ADNP: variants seen among roughly 807,000 people sequenced by gnomAD.
The protein encoded by ADNP is activity-dependent neuroprotector homeobox protein.
In ADNP, 4 loss-of-function variants were observed where a neutral mutation model predicts 84.9. The observed-to-expected ratio is 0.05, with a 90% CI of 0.02 to 0.11. The LOEUF (loss-of-function observed/expected upper bound fraction) is 0.11. Ranked by LOEUF, ADNP falls within the 10% of genes least tolerant of loss-of-function variation. The probability of loss-of-function intolerance (pLI) is 1.00; values close to 1 mark genes in which losing one functional copy is unlikely to be tolerated. For missense variants in ADNP, 1,132 were observed against 1,326.0 expected (o/e 0.85, Z 2.27); for synonymous variants, 554 against 468.1 (o/e 1.18, Z -2.37).
intron 2 of ADNP, chr20:50,905,597 A>C (rs1263009283): frequency 2.6e-5 from 4 of 152,230 alleles, no homozygotes; most frequent in Admixed American, 6.5e-5. Context: ...CTAACTTAGA[A>C]GTCTCAAAAT....
At chr20:50,930,565 C>A (rs1012632514) in intron 1 of ADNP, among the ~76,000 whole-genome samples, 2 of 152,016 alleles carry the variant, frequency 1.3e-5, no homozygotes, top group African/African-American at 2.4e-5. Context: ...CCTCGGTGGG[C>A]TCACAGGGCG....
chr20:50,903,106 C>T (rs1308630628), intron 4 of ADNP, among the ~76,000 whole-genome samples: 2 of 152,152 alleles, frequency 1.3e-5, no homozygotes, highest in African/African-American at 4.8e-5. Flanking sequence ...GTGCTAGGTG[C>T]TGGGGCTAAA....
At chr20:50,914,207 A>G in intron 2 of ADNP, 1 of 765,148 alleles carries the variant, frequency 1.3e-6, no homozygotes, top group Admixed American at 2.0e-5. Flanking sequence ...CTTCTGTACT[A>G]CAAAGCATCC....
rs141788157 is a variant in ADNP at position 50,889,894 on chromosome 20, G to T, written c.*1511C>A. The T allele has an allele frequency of 1.8e-5, 7 of 398,452 alleles. No homozygotes were observed. Among genetic ancestry groups the T allele is most frequent in the Non-Finnish European group, 3.1e-5 (7 of 226,048 alleles). The allele number at this position is 398,452 out of a possible 1,614,324, so 24.7% of individuals were successfully genotyped here. A position where few individuals can be genotyped will look rare whatever the true frequency, so the allele number is the denominator to read the frequency against. Reference sequence around the variant, plus strand: ...GCAAGAGGGCCAAGAGTGGCAAATAGAGGCAGAGCCGCCTGCACTACAGTT... The same window carrying T: ...GCAAGAGGGCCAAGAGTGGCAAATATAGGCAGAGCCGCCTGCACTACAGTT... On this transcript the variant is annotated 3_prime_UTR_variant, in exon 6 of 6. Transcript: ENST00000621696.
intron 5 of ADNP, among the ~76,000 whole-genome samples, chr20:50,900,377 T>C (rs1468116318): frequency 6.6e-6 from 1 of 152,208 alleles, no homozygotes; most frequent in Non-Finnish European, 1.5e-5. Flanking sequence ...CCCTTTATGA[T>C]GTTTGTACAA....
At chr20:50,912,088 T>C (rs1191725213) in intron 2 of ADNP, among the ~76,000 whole-genome samples, 3 of 152,206 alleles carry the variant, frequency 2.0e-5, no homozygotes, top group Non-Finnish European at 2.9e-5. Context: ...CACTGAGAGC[T>C]ACACAAGGAT....
rs752177615 is a variant in ADNP at position 50,892,617 on chromosome 20, C to T, written c.2097G>A (p.Lys699=). 4 of 1,614,078 alleles carry T rather than the reference C, an allele frequency of 2.5e-6. No individual in the cohort carries two copies. The highest frequency in any genetic ancestry group is 3.4e-6 in the Non-Finnish European group (4 of 1,180,034). Residue 699 remains lysine (K), a synonymous_variant, in exon 6 of 6, where the codon AAG becomes AAA. Transcript: ENST00000621696. ...GATTAAGCCGAGAGGGTGCATTTGT[C>T]TTATCCTGGCCATTTTGGGTCTTTC... ...GVGKTQNGQD[K]TNAPSRLNQS...
chr20:50,927,907 T>C (rs528474430), intron 2 of ADNP, among the ~76,000 whole-genome samples: 1 of 152,354 alleles, frequency 6.6e-6, no homozygotes, highest in East Asian at 1.9e-4. Flanking sequence ...CTTCAAATTA[T>C]ATGGTCATTT....
chr20:50,927,423 A>C (rs1207559154), intron 2 of ADNP, among the ~76,000 whole-genome samples: 1 of 152,232 alleles, frequency 6.6e-6, no homozygotes, highest in Non-Finnish European at 1.5e-5. Context: ...CCAAGATAAA[A>C]AAGGAATTTC....
chr20:50,923,238 T>A (rs537884006), intron 2 of ADNP, among the ~76,000 whole-genome samples: 1 of 152,324 alleles, frequency 6.6e-6, no homozygotes, highest in Admixed American at 6.5e-5. Flanking sequence ...CTAAATGACA[T>A]AAAACGTTAT....
chr20:50,890,068 T>TA lies in ADNP; in HGVS notation c.*1336dup. On this transcript the variant is annotated 3_prime_UTR_variant, in exon 6 of 6. Coordinates refer to ENST00000621696, the MANE Select transcript of ADNP (RefSeq NM_001282531.3). ...TTTATCATTGAGACATTTACATATA[T>TA]ATGCAGGCTCTGCTCCTTAACAAAA... 7.1e-6 allele frequency: 2 copies of TA among 283,410 alleles called. No homozygotes were observed. Among genetic ancestry groups the TA allele is most frequent in the African/African-American group, 4.6e-5 (2 of 43,618 alleles). 17.6% of individuals were successfully genotyped at this position (283,410 alleles called of 1,614,324 possible).
chr20:50,914,391 G>C (rs41274692), intron 2 of ADNP: 46,782 of 582,990 alleles, frequency 0.08, 2,093 homozygotes, highest in African/African-American at 0.13. Context: ...GAGAATGGTA[G>C]AAGGTTAAAC....
At chr20:50,922,727 C>G (rs1421438157) in intron 2 of ADNP, among the ~76,000 whole-genome samples, 1 of 151,834 alleles carries the variant, frequency 6.6e-6, no homozygotes, top group African/African-American at 2.4e-5. Flanking sequence ...TTATAGGCCC[C>G]CACCACTAAA....
In ADNP at chr20:50,930,809, G is replaced by T. The variant is rs1290424766; in HGVS notation, c.-265+17C>A. On this transcript the variant is annotated intron_variant, in intron 1 of 5. Transcript: ENST00000621696. ...AGGGCAGGGCCGCGGGTCCGCGCGC[G>T]GCGGCGCCGGGCTTACCTTGACTCG... 4 of 148,842 alleles carry T rather than the reference G, an allele frequency of 2.7e-5. No homozygotes were observed. The South Asian group carries it at 7.1e-4, about 26-fold the overall frequency. 9.2% of individuals were successfully genotyped at this position (148,842 alleles called of 1,614,324 possible).
intron 2 of ADNP, among the ~76,000 whole-genome samples, chr20:50,924,208 A>G (rs945145299): frequency 6.6e-6 from 1 of 152,242 alleles, no homozygotes; most frequent in Admixed American, 6.5e-5. Context: ...AAACTGGGAA[A>G]AGAAAAGGGA....
chr20:50,907,267 G>A (rs890384290), intron 2 of ADNP, among the ~76,000 whole-genome samples: 20 of 127,390 alleles, frequency 1.6e-4, no homozygotes, highest in Non-Finnish European at 2.4e-4. Flanking sequence ...CACCGCGCCC[G>A]GCATTTTTTT....
intron 2 of ADNP, among the ~76,000 whole-genome samples, chr20:50,924,464 C>CT (rs1984158757): frequency 1.3e-5 from 2 of 152,274 alleles, no homozygotes; most frequent in African/African-American, 2.4e-5. Flanking sequence ...ACAAGAGCAC[C>CT]ATAAAGGCCT....
At position 50,892,884 on chromosome 20, in the gene ADNP, T is replaced by C; in HGVS notation, c.1830A>G (p.Gln610=). ...CATCTTTTTTATAGGGCACTGCAGC[T>C]TGAGGTGAACTTTTTACAGGGATAT... The part of the protein sequence containing the change: ...KADIPVKSSP[Q]AAVPYKKDVG... Residue 610 remains glutamine, a synonymous_variant, in exon 6 of 6, where the codon CAA becomes CAG. Coordinates refer to ENST00000621696, the MANE Select transcript of ADNP (RefSeq NM_001282531.3). 1.2e-6 allele frequency: 2 copies of C among 1,614,252 alleles called. No individual in the cohort carries two copies. Among genetic ancestry groups the C allele is most frequent in the Non-Finnish European group, 1.7e-6 (2 of 1,180,040 alleles).
At chr20:50,906,963 GTTTTT>G (rs751919326) in intron 2 of ADNP, among the ~76,000 whole-genome samples, 1,267 of 119,268 alleles carry the variant, frequency 0.011, 32 homozygotes, top group African/African-American at 0.038. Context: ...CAGGGTTCCA[GTTTTT>G]TTTTTTTGTT....
Sources: allele counts gnomAD v4.1 joint callset (sites outside exome capture counted in the v4.1 genomes callset), GRCh38; gene constraint gnomAD v4.1.1; transcripts MANE v1.5; gene names NCBI Gene and HGNC (gene_info 2026-07-23, HGNC 2026-07-21).